Variants in PHF24 observed in about 807,000 individuals in gnomAD.
PHF24 encodes Galpha inhibitory interacting protein.
PHF24 carries 25 observed loss-of-function variants against 42.6 expected under a neutral mutation model. The observed-to-expected ratio is 0.59, with a 90% CI of 0.43 to 0.82. The LOEUF is 0.82. Among genes scored for constraint, PHF24 ranks in the 40% least tolerant of loss-of-function variants. PHF24 has a pLI of 0.00. For missense variants in PHF24, 470 were observed against 538.1 expected, an observed-to-expected ratio of 0.87 and a Z score of 1.25; for synonymous variants, 185 against 204.8, an observed-to-expected ratio of 0.90 and a Z score of 0.83.
At chr9:34,976,025 G>T in intron 3 of PHF24, 127 bp from the exon 4 acceptor site, 1 of 696,592 alleles carries the variant, frequency 1.4e-6, no homozygotes. Context: ...CATTGATTGT[G>T]AATAGGAGGC....
the PHF24 span, among the ~76,000 whole-genome samples, chr9:34,719,171 G>T: frequency 0.049 from 7,530 of 152,224 alleles, 358 homozygotes; most frequent in African/African-American, 0.12. Context: ...CTGAGAAGCT[G>T]GGATTACAGG....
At chr9:34,732,042 T>G in the PHF24 span, among the ~76,000 whole-genome samples, 1,756 of 132,182 alleles carry the variant, frequency 0.013, 24 homozygotes, top group Admixed American at 0.032. Flanking sequence ...TTTTTTTTTT[T>G]GTAGAGATGA....
At chr9:34,807,585 T>C in the PHF24 span, among the ~76,000 whole-genome samples, 1 of 152,344 alleles carries the variant, frequency 6.6e-6, no homozygotes, top group African/African-American at 2.4e-5. Context: ...AGACTTGAAT[T>C]TGTGGTCATC....
At chr9:34,794,425 C>A in the PHF24 span, among the ~76,000 whole-genome samples, 2 of 152,142 alleles carry the variant, frequency 1.3e-5, no homozygotes, top group African/African-American at 4.8e-5. Context: ...GGATACAATG[C>A]AAAGTTATTC....
chr9:34,751,236 G>T, the PHF24 span, among the ~76,000 whole-genome samples: 945 of 152,204 alleles, frequency 6.2e-3, 14 homozygotes, highest in African/African-American at 0.021. Flanking sequence ...ATGGTGGCAG[G>T]TGCCTATAAT....
At chr9:34,834,484 G>T in the PHF24 span, 1 of 1,551,808 alleles carries the variant, frequency 6.4e-7, no homozygotes, top group Non-Finnish European at 8.7e-7. Context: ...TCTGAGGCAG[G>T]CCCCAGCGAT....
chr9:34,855,521 C>T, the PHF24 span, among the ~76,000 whole-genome samples: 1 of 152,150 alleles, frequency 6.6e-6, no homozygotes, highest in Non-Finnish European at 1.5e-5. Context: ...TCTTATTTCT[C>T]CTTTGCTTAT....
chr9:34,818,769 G>A, the PHF24 span, among the ~76,000 whole-genome samples: 1 of 152,154 alleles, frequency 6.6e-6, no homozygotes, highest in Non-Finnish European at 1.5e-5. Context: ...AGATCAGCCT[G>A]TGAGACCCCG....
the PHF24 span, among the ~76,000 whole-genome samples, chr9:34,699,402 T>C: frequency 6.6e-6 from 1 of 152,230 alleles, no homozygotes; most frequent in Non-Finnish European, 1.5e-5. Context: ...GTACATTTAG[T>C]GTACACTTTG....
At chr9:34,748,178 A>C in the PHF24 span, among the ~76,000 whole-genome samples, 1 of 152,220 alleles carries the variant, frequency 6.6e-6, no homozygotes, top group Non-Finnish European at 1.5e-5. Context: ...CTCAAATATC[A>C]TAGAAGTGGA....
the PHF24 span, among the ~76,000 whole-genome samples, chr9:34,750,580 T>C: frequency 6.6e-6 from 1 of 151,992 alleles, no homozygotes. Context: ...TTTTTGTTAG[T>C]TTTCCCTTTG....
At chr9:34,889,494 T>C in the PHF24 span, 1 of 398,594 alleles carries the variant, frequency 2.5e-6, no homozygotes, top group South Asian at 1.3e-4. Flanking sequence ...TGGACTCTTC[T>C]CAATGTTTTT....
the PHF24 span, among the ~76,000 whole-genome samples, chr9:34,879,580 G>A: frequency 3.3e-5 from 5 of 152,136 alleles, no homozygotes; most frequent in South Asian, 6.2e-4. Context: ...TAGCTGATTC[G>A]ATCAAGTGGA....
At chr9:34,884,836 A>G in the PHF24 span, among the ~76,000 whole-genome samples, 9 of 152,200 alleles carry the variant, frequency 5.9e-5, no homozygotes, top group South Asian at 4.1e-4. Flanking sequence ...TGCACTCAGC[A>G]TATTCTATGA....
the PHF24 span, chr9:34,722,981 A>G: frequency 2.1e-6 from 1 of 465,522 alleles, no homozygotes; most frequent in Admixed American, 3.7e-5. Context: ...CTAGACAGGA[A>G]GGACTTTTTA....
chr9:34,820,241 C>CT, the PHF24 span, among the ~76,000 whole-genome samples: 2 of 151,190 alleles, frequency 1.3e-5, no homozygotes, highest in South Asian at 2.1e-4. Flanking sequence ...TAAAAAAACT[C>CT]TTATTTTAGG....
chr9:34,853,555 G>A, the PHF24 span, among the ~76,000 whole-genome samples: 45 of 151,172 alleles, frequency 3.0e-4, no homozygotes, highest in East Asian at 3.2e-3. Context: ...TCGGCCGGGC[G>A]CGGTGGCTCA....
chr9:34,757,573 T>C, the PHF24 span, among the ~76,000 whole-genome samples: 1 of 152,156 alleles, frequency 6.6e-6, no homozygotes. Flanking sequence ...CCTTTTCTCA[T>C]TTTATGGGTT....
At chr9:34,847,679 A>G in the PHF24 span, among the ~76,000 whole-genome samples, 1 of 151,788 alleles carries the variant, frequency 6.6e-6, no homozygotes, top group Non-Finnish European at 1.5e-5. Context: ...GTCTTGTGCC[A>G]GTTTTCAAAG....
Sources: gnomAD v4.1 joint callset for allele counts (sites outside exome capture counted in the v4.1 genomes callset) on GRCh38, gnomAD v4.1.1 for gene constraint, MANE v1.5 for transcripts, NCBI Gene and HGNC (gene_info 2026-07-23, HGNC 2026-07-21) for gene names.